SELENOT: variants seen among roughly 807,000 people sequenced by gnomAD.
SELENOT encodes the protein selenoprotein T.
A neutral mutation model predicts 24.3 loss-of-function variants in SELENOT; 9 were observed. The observed-to-expected ratio is 0.37, with a 90% CI of 0.22 to 0.65. SELENOT has a LOEUF of 0.65. SELENOT is among the 30% of genes least tolerant of loss of function. The pLI is 0.60. For synonymous variants in SELENOT, 81 were observed against 86.0 expected (o/e 0.94, Z 0.32); for missense variants, 166 against 247.6 (o/e 0.67, Z 2.21).
intron 1 of SELENOT, among the ~76,000 whole-genome samples, chr3:150,604,779 G>C (rs1319069823): frequency 6.6e-6 from 1 of 152,208 alleles, no homozygotes; most frequent in Admixed American, 6.5e-5. Context: ...GCTCACGCCT[G>C]TAATCCCAGC....
intron 1 of SELENOT, among the ~76,000 whole-genome samples, chr3:150,605,306 A>G (rs1026024722): frequency 3.3e-5 from 5 of 152,138 alleles, no homozygotes; most frequent in Non-Finnish European, 7.4e-5. Flanking sequence ...CTTTTCCAAA[A>G]TACCCCTTTT....
At chr3:150,625,583 C>T (rs1237942515) in intron 4 of SELENOT, among the ~76,000 whole-genome samples, 1 of 152,074 alleles carries the variant, frequency 6.6e-6, no homozygotes, top group Non-Finnish European at 1.5e-5. Flanking sequence ...ATTCTCTAAA[C>T]CAAGGGTTGG....
rs1726526565 is a variant in SELENOT at position 150,630,161 on chromosome 3, G to T, written c.*2532G>T. 1 of 152,156 alleles carries T rather than the reference G, an allele frequency of 6.6e-6. No homozygotes were observed. 9.4% of individuals were successfully genotyped at this position (152,156 alleles called of 1,614,324 possible). ...CACTATTAATGACAGGAGTCAATCAGCCTTTACAGCTATCAAAATATAATG... is the reference window on the plus strand; with the variant it reads ...CACTATTAATGACAGGAGTCAATCATCCTTTACAGCTATCAAAATATAATG... On this transcript the variant is annotated 3_prime_UTR_variant, in exon 6 of 6. Coordinates refer to ENST00000471696, the MANE Select transcript of SELENOT (RefSeq NM_016275.5).
rs958657866 is a variant in SELENOT, at chr3:150,614,931, C to T, written c.138-7454C>T. On this transcript the variant is annotated intron_variant, in intron 1 of 5. Transcript: ENST00000471696. ...GCACATTGTGCAGGTTAGTTACATACGTATACATGTGCCATGCTGGTGTGC... is the reference window on the plus strand; with the variant it reads ...GCACATTGTGCAGGTTAGTTACATATGTATACATGTGCCATGCTGGTGTGC... Among the ~76,000 whole-genome samples the T allele has an allele frequency of 2.8e-3, 426 of 150,170 alleles. 7 individuals carry two copies. The highest frequency in any genetic ancestry group is 0.025 in the Admixed American group (369 of 15,048).
chr3:150,608,454 TG>T (rs1285439572), intron 1 of SELENOT, among the ~76,000 whole-genome samples: 5 of 152,308 alleles, frequency 3.3e-5, no homozygotes, highest in Middle Eastern at 3.4e-3. Context: ...TGTTTGTTAT[TG>T]TTTTTTTAAT....
At chr3:150,612,293 A>G (rs1726113528) in intron 1 of SELENOT, among the ~76,000 whole-genome samples, 1 of 152,054 alleles carries the variant, frequency 6.6e-6, no homozygotes, top group African/African-American at 2.4e-5. Context: ...GGGTTTCGGC[A>G]TGTTTATCAG....
chr3:150,628,673 T>G lies in SELENOT; in HGVS notation c.*1044T>G, dbSNP rs73003036. ...ATGATGAACAAAACTTAAAATTTTTTAAATTTAATTTTTAAATACTGTTTC... is the reference window on the plus strand; with the variant it reads ...ATGATGAACAAAACTTAAAATTTTTGAAATTTAATTTTTAAATACTGTTTC... On this transcript the variant is annotated 3_prime_UTR_variant, in exon 6 of 6. Transcript: ENST00000471696. 3.7e-3 allele frequency: 556 copies of G among 152,312 alleles called. 5 individuals are homozygous for G. The highest frequency in any genetic ancestry group is 0.013 in the African/African-American group (533 of 41,564). 9.4% of individuals were successfully genotyped at this position (152,312 alleles called of 1,614,324 possible).
At chr3:150,625,897 T>C (rs565956488) in intron 4 of SELENOT, among the ~76,000 whole-genome samples, 260 of 146,392 alleles carry the variant, frequency 1.8e-3, no homozygotes, top group Non-Finnish European at 2.5e-3. Context: ...TGAGACGGAG[T>C]CTCGCTGTGT....
intron 1 of SELENOT, among the ~76,000 whole-genome samples, chr3:150,607,547 A>T (rs1319800126): frequency 6.6e-6 from 1 of 152,266 alleles, no homozygotes; most frequent in African/African-American, 2.4e-5. Context: ...GCAGATGCAG[A>T]CATTAATCCA....
rs1267256256 is a variant in SELENOT, at chr3:150,630,242, T to C, written c.*2613T>C. On this transcript the variant is annotated 3_prime_UTR_variant, in exon 6 of 6. Transcript: ENST00000471696. ...AATGTTAATTAGTTTGGGACTTTGA[T>C]TGGCTGGCAAACATTTTATCATTGT... 6.6e-6 allele frequency: 1 copy of C among 152,218 alleles called. No homozygotes were observed. The highest frequency in any genetic ancestry group is 2.4e-5 in the African/African-American group (1 of 41,450). 9.4% of individuals were successfully genotyped at this position (152,218 alleles called of 1,614,324 possible). A position where few individuals can be genotyped will look rare whatever the true frequency, so the allele number is the denominator to read the frequency against.
At chr3:150,617,229 AC>A (rs1239680927) in intron 1 of SELENOT, among the ~76,000 whole-genome samples, 8 of 152,164 alleles carry the variant, frequency 5.3e-5, no homozygotes, top group Non-Finnish European at 1.2e-4. Flanking sequence ...TCTCTTGCCA[AC>A]CTGTGTTTCT....
chr3:150,626,973 T>G (rs1308582867), intron 4 of SELENOT, 37 bp from the exon 5 acceptor site: 9 of 1,599,526 alleles, frequency 5.6e-6, no homozygotes, highest in Non-Finnish European at 6.8e-6. Context: ...AAAATCATCT[T>G]TAATTTTTTG....
intron 3 of SELENOT, among the ~76,000 whole-genome samples, chr3:150,623,377 T>C (rs13097283): frequency 0.69 from 104,639 of 151,960 alleles, 36,788 homozygotes; most frequent in East Asian, 1. Context: ...TAGGTCTTAA[T>C]CTTTTTATTT....
intron 1 of SELENOT, among the ~76,000 whole-genome samples, chr3:150,621,766 A>C (rs768762941): frequency 2.6e-5 from 4 of 152,006 alleles, no homozygotes; most frequent in Non-Finnish European, 5.9e-5. Context: ...TCCTTGGCAA[A>C]GTAGAATCAA....
Position 150,622,482 on chromosome 3 carries a change from C to A in SELENOT, c.235C>A (p.Gln79Lys). The A allele has an allele frequency of 6.8e-7, 1 of 1,476,968 alleles. No homozygotes were observed. Among genetic ancestry groups the A allele is most frequent in the Non-Finnish European group, 9.1e-7 (1 of 1,096,756 alleles). 91.5% of individuals were successfully genotyped at this position (1,476,968 alleles called of 1,614,324 possible). The change falls in exon 2 of 6, where the codon CAA (glutamine) becomes AAA (lysine). Residue 79 changes from glutamine to lysine, a missense_variant. Around this residue, in one of 5 missense-constraint regions of SELENOT, gnomAD observed 71 missense variants for 89.2 expected, o/e 0.80. Transcript: ENST00000471696. ...CATTGAAGGAGAGAATTACCTCCCT[C>A]AACCAATATATAGGTAAGAAATTTT... ...IRIEGENYLP[Q>K]PIYRHIASFL...
intron 1 of SELENOT, among the ~76,000 whole-genome samples, chr3:150,608,041 TTAA>T (rs1726007169): frequency 6.6e-6 from 1 of 152,326 alleles, no homozygotes; most frequent in South Asian, 2.1e-4. Flanking sequence ...TTAACAGCTC[TTAA>T]TGATGAATTG....
At chr3:150,625,870 CTTTT>C (rs34698339) in intron 4 of SELENOT, among the ~76,000 whole-genome samples, 2 of 139,292 alleles carry the variant, frequency 1.4e-5, no homozygotes, top group Non-Finnish European at 3.1e-5. Context: ...TAAACAATAA[CTTTT>C]TTTTTTTTTT....
At chr3:150,611,970 G>T in intron 1 of SELENOT, 1 of 634,150 alleles carries the variant, frequency 1.6e-6, no homozygotes, top group Non-Finnish European at 2.6e-6. Context: ...CAAGTTAGCT[G>T]CATGGCAGAA....
intron 1 of SELENOT, among the ~76,000 whole-genome samples, chr3:150,619,220 CAAAAAAAA>C (rs761458301): frequency 7.1e-4 from 57 of 80,494 alleles, no homozygotes; most frequent in Non-Finnish European, 1.3e-3. Flanking sequence ...GACTCCGTCT[CAAAAAAAA>C]AAAAAAAAAA....
Sources: allele counts gnomAD v4.1 joint callset (sites outside exome capture counted in the v4.1 genomes callset), GRCh38; gene constraint gnomAD v4.1.1; regional missense constraint gnomAD v4.1.1; transcripts MANE v1.5; gene names NCBI Gene and HGNC (gene_info 2026-07-23, HGNC 2026-07-21).